TTC7A: variants seen among roughly 807,000 people sequenced by gnomAD.
The protein encoded by TTC7A is tetratricopeptide repeat protein 7A.
In TTC7A, 110 loss-of-function variants were observed where a neutral mutation model predicts 103.7. That is an observed-to-expected ratio of 1.06 (90% CI 0.91 to 1.24). TTC7A has a LOEUF of 1.24. TTC7A is among the 50% of genes most tolerant of loss of function. The pLI, the probability that TTC7A is intolerant of heterozygous loss-of-function variation, is 0.00. For missense variants in TTC7A, 1,340 were observed against 1,116.3 expected, an observed-to-expected ratio of 1.20 and a Z score of -2.86; for synonymous variants, 521 against 467.9, an observed-to-expected ratio of 1.11 and a Z score of -1.47.
At chr2:46,935,687 C>G (rs12990116) in intron 2 of TTC7A, among the ~76,000 whole-genome samples, 2 of 152,178 alleles carry the variant, frequency 1.3e-5, no homozygotes, top group African/African-American at 4.8e-5. Flanking sequence ...ACCCCTGACT[C>G]GGAAACAGGG....
intron 14 of TTC7A, among the ~76,000 whole-genome samples, chr2:47,028,626 T>C (rs1305082470): frequency 6.6e-6 from 1 of 152,196 alleles, no homozygotes; most frequent in African/African-American, 2.4e-5. Context: ...TCCAGACCCT[T>C]AGAATGTGGC....
upstream of TTC7A, among the ~76,000 whole-genome samples, chr2:46,939,010 C>CA (rs1190579295): frequency 6.2e-3 from 477 of 76,910 alleles, 5 homozygotes; most frequent in South Asian, 0.019. Flanking sequence ...GACTCTGTCT[C>CA]AAAAAAAAAA....
chr2:47,029,106 C>A, intron 14 of TTC7A, 118 bp from the exon 15 acceptor site: 1 of 1,234,680 alleles, frequency 8.1e-7, no homozygotes, highest in Non-Finnish European at 1.1e-6. Context: ...CTCCCTGCCC[C>A]CAGTGCCTGG....
At chr2:46,922,031 A>C (rs752228341) in intron 2 of TTC7A, among the ~76,000 whole-genome samples, 1 of 152,178 alleles carries the variant, frequency 6.6e-6, no homozygotes, top group Admixed American at 6.5e-5. Context: ...GGGAACGATA[A>C]GTTTTTGGAT....
At chr2:47,006,924 C>T (rs1232866033) in intron 10 of TTC7A, among the ~76,000 whole-genome samples, 200 bp downstream of exon 10, 2 of 152,138 alleles carry the variant, frequency 1.3e-5, no homozygotes, top group Non-Finnish European at 2.9e-5. Flanking sequence ...TGTGAGTGTG[C>T]CGGTGTGCTG....
chr2:46,976,730 C>T (rs1384135150), intron 4 of TTC7A, among the ~76,000 whole-genome samples: 1 of 152,220 alleles, frequency 6.6e-6, no homozygotes, highest in Non-Finnish European at 1.5e-5. Context: ...AGACTCTCCC[C>T]ACTATGCCAG....
At chr2:46,973,252 G>GT (rs1673531919) in intron 3 of TTC7A, among the ~76,000 whole-genome samples, 1 of 152,192 alleles carries the variant, frequency 6.6e-6, no homozygotes, top group Non-Finnish European at 1.5e-5. Flanking sequence ...TTGTCCTCGC[G>GT]TTTTATGGAG....
At chr2:47,039,873 A>G (rs1470072459) in intron 15 of TTC7A, among the ~76,000 whole-genome samples, 2 of 151,948 alleles carry the variant, frequency 1.3e-5, no homozygotes, top group Non-Finnish European at 2.9e-5. Context: ...AACGGGGAAC[A>G]GAGACACCAA....
intron 5 of TTC7A, 83 bp downstream of exon 5, chr2:46,978,990 C>T: frequency 2.2e-6 from 2 of 904,398 alleles, no homozygotes; most frequent in East Asian, 2.6e-5. Context: ...TGCTCTCCCT[C>T]TTCTCTGGCC....
At chr2:47,004,757 G>T (rs1446486915) in intron 8 of TTC7A, among the ~76,000 whole-genome samples, 1 of 151,916 alleles carries the variant, frequency 6.6e-6, no homozygotes, top group African/African-American at 2.4e-5. Flanking sequence ...CCCTTGGAGT[G>T]GGGGTGGATA....
intron 15 of TTC7A, among the ~76,000 whole-genome samples, chr2:47,045,336 C>G (rs1682201152): frequency 6.6e-6 from 1 of 152,196 alleles, no homozygotes. Context: ...CTCCAGGGCT[C>G]CACCCCAGCT....
intron 1 of TTC7A, among the ~76,000 whole-genome samples, chr2:46,947,920 G>T (rs996035607): frequency 6.6e-6 from 1 of 152,204 alleles, no homozygotes; most frequent in Non-Finnish European, 1.5e-5. Flanking sequence ...TCACAAGCAT[G>T]GAGAGACCCG....
intron 15 of TTC7A, among the ~76,000 whole-genome samples, chr2:47,030,624 T>C (rs1414271825): frequency 6.6e-6 from 1 of 152,170 alleles, no homozygotes; most frequent in Non-Finnish European, 1.5e-5. Flanking sequence ...ACAATGGGTG[T>C]TCATCCTGCT....
At chr2:47,070,401 CTG>C (rs1289057335) in intron 19 of TTC7A, among the ~76,000 whole-genome samples, 6 of 152,136 alleles carry the variant, frequency 3.9e-5, no homozygotes, top group African/African-American at 1.4e-4. Flanking sequence ...AGGTCCACAT[CTG>C]TGTGTGTGTG....
chr2:46,997,770 G>T (rs577900419), intron 8 of TTC7A, among the ~76,000 whole-genome samples: 1 of 152,290 alleles, frequency 6.6e-6, no homozygotes, highest in Admixed American at 6.5e-5. Context: ...TCAGGGTGAG[G>T]ATGGTCATAA....
intron 18 of TTC7A, among the ~76,000 whole-genome samples, chr2:47,057,820 C>G (rs1683442475): frequency 6.6e-6 from 1 of 152,224 alleles, no homozygotes; most frequent in Non-Finnish European, 1.5e-5. Context: ...CTCAGGAAGA[C>G]TTCCCTGACC....
intron 2 of TTC7A, among the ~76,000 whole-genome samples, chr2:46,919,288 A>G (rs1263152203): frequency 6.6e-6 from 1 of 152,248 alleles, no homozygotes; most frequent in Non-Finnish European, 1.5e-5. Context: ...TAATCCCAGC[A>G]CTTTGGGAGG....
intron 3 of TTC7A, among the ~76,000 whole-genome samples, chr2:46,965,321 G>A (rs1360507480): frequency 2.0e-5 from 3 of 152,160 alleles, no homozygotes; most frequent in Non-Finnish European, 2.9e-5. Context: ...CTGGTATGGC[G>A]GGAATTCACT....
At chr2:46,990,372 C>G (rs1675505968) in intron 5 of TTC7A, among the ~76,000 whole-genome samples, 1 of 152,134 alleles carries the variant, frequency 6.6e-6, no homozygotes, top group Non-Finnish European at 1.5e-5. Context: ...GGGGCCCGGG[C>G]CTGTCCTTGG....
Sources: allele counts gnomAD v4.1 joint callset (sites outside exome capture counted in the v4.1 genomes callset), GRCh38; gene constraint gnomAD v4.1.1; transcripts MANE v1.5; gene names NCBI Gene and HGNC (gene_info 2026-07-23, HGNC 2026-07-21).